DKK4: variants seen among roughly 807,000 people sequenced by gnomAD.
DKK4 encodes dickkopf Wnt signaling pathway inhibitor 4.
Under a neutral mutation model 14.5 loss-of-function variants are expected in DKK4, and 15 were observed. The observed-to-expected ratio is 1.03, with a 90% CI of 0.69 to 1.59. The LOEUF (loss-of-function observed/expected upper bound fraction) is 1.59, where lower values mean the gene tolerates loss of function less well. Among genes scored for constraint, DKK4 ranks in the 40% most tolerant of loss-of-function variants. The pLI, the probability that DKK4 is intolerant of heterozygous loss-of-function variation, is 0.00. For synonymous variants in DKK4, 89 were observed against 105.2 expected, an observed-to-expected ratio of 0.85 and a Z score of 0.94; for missense variants, 272 against 280.3, an observed-to-expected ratio of 0.97 and a Z score of 0.21.
the DKK4 span, among the ~76,000 whole-genome samples, chr8:42,383,530 C>T: frequency 1.3e-5 from 2 of 152,254 alleles, no homozygotes; most frequent in Non-Finnish European, 1.5e-5. Flanking sequence ...CCTCCCTTTC[C>T]AGCAGCAACA....
Position 42,374,804 on chromosome 8 carries a change from T to C in DKK4, c.372A>G (p.Gln124=), listed in dbSNP as rs749586346. ...TCTTAATACTTGGCTTCCTTTTGGGTTGGTTTTCCTGGACTGGGTGCCCAG... is the reference window on the plus strand; with the variant it reads ...TCTTAATACTTGGCTTCCTTTTGGGCTGGTTTTCCTGGACTGGGTGCCCAG... ...GTTGHPVQEN[Q]PKRKPSIKKS... is the part of the protein sequence containing the mutation. Residue 124 remains glutamine (Q), a synonymous_variant, in exon 3 of 4, where the codon CAA becomes CAG. Transcript: ENST00000220812. The C allele has an allele frequency of 3.1e-6, 5 of 1,614,120 alleles. No individual in the cohort carries two copies. The highest frequency in any genetic ancestry group is 4.2e-6 in the Non-Finnish European group (5 of 1,180,060).
chr8:42,386,022 C>G, the DKK4 span, among the ~76,000 whole-genome samples: 1 of 152,240 alleles, frequency 6.6e-6, no homozygotes, highest in African/African-American at 2.4e-5. Flanking sequence ...TACATCTGCT[C>G]ATGTGCGCCT....
chr8:42,387,908 C>G, the DKK4 span, among the ~76,000 whole-genome samples: 2 of 152,052 alleles, frequency 1.3e-5, no homozygotes, highest in African/African-American at 4.8e-5. Flanking sequence ...TTTTTTTTAA[C>G]AGATAAGGAT....
At chr8:42,378,270 T>C (rs888982045), upstream of DKK4, among the ~76,000 whole-genome samples, 12 of 152,218 alleles carry the variant, frequency 7.9e-5, no homozygotes, top group African/African-American at 2.9e-4. Flanking sequence ...ATTTTTTCTA[T>C]GCCATAAATG....
At chr8:42,382,019 C>CA (rs1346633261), upstream of DKK4, among the ~76,000 whole-genome samples, 2 of 152,018 alleles carry the variant, frequency 1.3e-5, no homozygotes, top group Non-Finnish European at 2.9e-5. Context: ...AAAAACACGA[C>CA]AAAAAAACCT....
intron 1 of DKK4, among the ~76,000 whole-genome samples, chr8:42,376,094 A>G (rs1221787444): frequency 6.6e-6 from 1 of 152,218 alleles, no homozygotes; most frequent in Non-Finnish European, 1.5e-5. Context: ...TCTTTGTGAA[A>G]ATGGGAAAAA....
upstream of DKK4, among the ~76,000 whole-genome samples, chr8:42,379,372 TATATATAGAGAGAGAGAGAGAG>T (rs1315155610): frequency 1.3e-3 from 67 of 50,610 alleles, 2 homozygotes; most frequent in African/African-American, 5.3e-3. Context: ...TATATATATA[TATATATAGAGAGAGAGAGAGAG>T]AGAGAGAGAG....
At chr8:42,378,815 A>G (rs943298621), upstream of DKK4, among the ~76,000 whole-genome samples, 2 of 151,824 alleles carry the variant, frequency 1.3e-5, no homozygotes, top group African/African-American at 4.8e-5. Flanking sequence ...ATAAAATTTG[A>G]AACTCCAATG....
Position 42,374,172 on chromosome 8 carries a change from CAGT to C in DKK4, c.600_602del (p.Leu201del). The C allele has an allele frequency of 4.3e-6, 7 of 1,613,596 alleles. No homozygotes were observed. Among genetic ancestry groups the C allele is most frequent in the Non-Finnish European group, 5.9e-6 (7 of 1,180,022 alleles). On this transcript the variant is annotated inframe_deletion, in exon 4 of 4. Coordinates refer to ENST00000220812, the MANE Select transcript of DKK4 (RefSeq NM_014420.3). ...GATTGCTGGTCAATTGGCTTCGACA[CAGT>C]AGTCCAGGGCCACAGTCGCAACGCT...
At chr8:42,376,740 G>T (rs564280617) in intron 1 of DKK4, among the ~76,000 whole-genome samples, 195 bp downstream of exon 1, 2 of 152,160 alleles carry the variant, frequency 1.3e-5, no homozygotes, top group South Asian at 4.1e-4. Flanking sequence ...GATGTGAAAA[G>T]CCACTGTGTT....
At chr8:42,377,531 G>C (rs535091430), upstream of DKK4, among the ~76,000 whole-genome samples, 2 of 152,254 alleles carry the variant, frequency 1.3e-5, no homozygotes, top group East Asian at 3.9e-4. Context: ...TAATCCTTTG[G>C]GGGTAGGGAG....
the DKK4 span, among the ~76,000 whole-genome samples, chr8:42,386,915 C>A: frequency 8.5e-5 from 13 of 152,296 alleles, no homozygotes; most frequent in African/African-American, 3.1e-4. Context: ...TTTTTTCAAT[C>A]TCTGAGAGTA....
the DKK4 span, among the ~76,000 whole-genome samples, chr8:42,383,268 G>A: frequency 6.6e-6 from 1 of 152,196 alleles, no homozygotes; most frequent in Non-Finnish European, 1.5e-5. Flanking sequence ...AGCACCCAGG[G>A]ACAGCACAGG....
chr8:42,383,921 G>A, the DKK4 span, among the ~76,000 whole-genome samples: 1 of 152,080 alleles, frequency 6.6e-6, no homozygotes, highest in Non-Finnish European at 1.5e-5. Flanking sequence ...CCAGCCTGGG[G>A]AACAGAGCAA....
the DKK4 span, among the ~76,000 whole-genome samples, chr8:42,385,708 T>C: frequency 1.3e-5 from 2 of 152,160 alleles, no homozygotes; most frequent in Non-Finnish European, 1.5e-5. Context: ...TTTCCCAATT[T>C]CTGGTGGAAA....
At chr8:42,391,100 C>A in the DKK4 span, among the ~76,000 whole-genome samples, 1 of 152,280 alleles carries the variant, frequency 6.6e-6, no homozygotes, top group Non-Finnish European at 1.5e-5. Flanking sequence ...TCCTCTGCCC[C>A]TTTGAATTAT....
chr8:42,382,096 T>C (rs554833823), upstream of DKK4, among the ~76,000 whole-genome samples: 1 of 152,332 alleles, frequency 6.6e-6, no homozygotes, highest in East Asian at 1.9e-4. Flanking sequence ...TTTAGTGCCT[T>C]AGCAGGCTGT....
chr8:42,382,415 G>A, the DKK4 span, among the ~76,000 whole-genome samples: 1 of 152,198 alleles, frequency 6.6e-6, no homozygotes, highest in Admixed American at 6.5e-5. Context: ...GCAGTGGGGA[G>A]AGGATGCACG....
chr8:42,384,297 C>T, the DKK4 span, among the ~76,000 whole-genome samples: 2 of 152,170 alleles, frequency 1.3e-5, no homozygotes, highest in Non-Finnish European at 2.9e-5. Context: ...GTGCATGCCA[C>T]CGCAACAGCT....
Sources: gnomAD v4.1 joint callset for allele counts (sites outside exome capture counted in the v4.1 genomes callset) on GRCh38, gnomAD v4.1.1 for gene constraint, MANE v1.5 for transcripts, NCBI Gene and HGNC (gene_info 2026-07-23, HGNC 2026-07-21) for gene names.